The following TSGA10 variants were observed in gnomAD, a reference collection of about 807,000 sequenced individuals.
The protein encoded by TSGA10 is testis-specific gene 10 protein.
Under a neutral mutation model 96.6 loss-of-function variants are expected in TSGA10, and 43 were observed. That is an observed-to-expected ratio of 0.44 (90% confidence interval 0.35 to 0.57). The LOEUF (loss-of-function observed/expected upper bound fraction) is 0.57. TSGA10 is among the 20% of genes least tolerant of loss of function. The probability of loss-of-function intolerance (pLI) is 0.01; values close to 1 mark genes in which losing one functional copy is unlikely to be tolerated. For synonymous variants in TSGA10, 229 were observed against 269.9 expected (o/e 0.85, Z 1.48); for missense variants, 703 against 834.4 (o/e 0.84, Z 1.94).
chr2:99,148,440 A>G (rs150380440), intron 1 of TSGA10: 1 of 152,334 alleles, frequency 6.6e-6, no homozygotes, highest in African/African-American at 2.4e-5. Context: ...AGCCAAATAT[A>G]TACTATTTAC....
At chr2:99,102,122 T>C in intron 10 of TSGA10, 7 of 1,450,208 alleles carry the variant, frequency 4.8e-6, no homozygotes, top group Admixed American at 1.7e-5. Context: ...AAGAGTTAGA[T>C]AGGGGTTACA....
chr2:99,033,585 G>A (rs926137690), intron 17 of TSGA10, among the ~76,000 whole-genome samples: 1 of 152,206 alleles, frequency 6.6e-6, no homozygotes, highest in East Asian at 1.9e-4. Context: ...CTAAACTGCT[G>A]TAATCCCAGC....
At chr2:99,144,950 T>C (rs1402018894) in intron 1 of TSGA10, among the ~76,000 whole-genome samples, 1 of 151,864 alleles carries the variant, frequency 6.6e-6, no homozygotes, top group Non-Finnish European at 1.5e-5. Flanking sequence ...GCTAGTAGAG[T>C]TGTTTGCTAC....
intron 1 of TSGA10, among the ~76,000 whole-genome samples, chr2:99,135,883 C>T (rs1460723756): frequency 1.3e-5 from 2 of 152,030 alleles, no homozygotes; most frequent in African/African-American, 2.4e-5. Context: ...GTGGCAGGCA[C>T]CTATAATCCC....
intron 1 of TSGA10, among the ~76,000 whole-genome samples, chr2:99,131,880 T>G (rs1339006928): frequency 6.6e-6 from 1 of 152,196 alleles, no homozygotes. Context: ...GAGATAATCA[T>G]GTGGTTTTTG....
At chr2:99,008,662 T>C (rs1354610734) in intron 20 of TSGA10, among the ~76,000 whole-genome samples, 2 of 152,170 alleles carry the variant, frequency 1.3e-5, no homozygotes, top group African/African-American at 4.8e-5. Context: ...GACCCAGCAA[T>C]CCCACTTCTA....
chr2:99,052,668 G>A (rs897519468), intron 16 of TSGA10, among the ~76,000 whole-genome samples: 3 of 151,790 alleles, frequency 2.0e-5, no homozygotes, highest in Non-Finnish European at 2.9e-5. Flanking sequence ...AACCCAGGAG[G>A]CGGAGCTTGC....
At chr2:99,024,200 C>A (rs1181911677) in intron 17 of TSGA10, among the ~76,000 whole-genome samples, 1 of 152,034 alleles carries the variant, frequency 6.6e-6, no homozygotes, top group Non-Finnish European at 1.5e-5. Flanking sequence ...AGCGATTCTC[C>A]TGCCTCGGCC....
In TSGA10 at chr2:99,017,573, G is replaced by A. The variant is rs539959199; in HGVS notation, c.2072+627C>T. Among the ~76,000 whole-genome samples the A allele has an allele frequency of 7.4e-4, 113 of 151,952 alleles. 1 individual carries two copies. Among genetic ancestry groups the A allele is most frequent in the African/African-American group, 2.5e-3 (102 of 41,448 alleles). On this transcript the variant is annotated intron_variant, in intron 20 of 20. Transcript: ENST00000393483. Reference sequence around the variant, plus strand: ...GAGGTCAGGAGATCGAGACCATCCCGGCTAAAACGGTGAAACCCCGTCTCT... The same window carrying A: ...GAGGTCAGGAGATCGAGACCATCCCAGCTAAAACGGTGAAACCCCGTCTCT...
intron 7 of TSGA10, among the ~76,000 whole-genome samples, chr2:99,108,318 AAAG>A (rs1295855756): frequency 2.0e-5 from 3 of 152,116 alleles, no homozygotes; most frequent in Non-Finnish European, 2.9e-5. Context: ...GATACTTTTA[AAAG>A]AAGTTATATG....
At chr2:99,008,169 C>G (rs897531402) in intron 20 of TSGA10, among the ~76,000 whole-genome samples, 1 of 151,918 alleles carries the variant, frequency 6.6e-6, no homozygotes, top group African/African-American at 2.4e-5. Context: ...GAATAGAAAT[C>G]CAGATGCATT....
intron 17 of TSGA10, among the ~76,000 whole-genome samples, chr2:99,030,568 T>C (rs1010922568): frequency 6.6e-6 from 1 of 150,894 alleles, no homozygotes; most frequent in Non-Finnish European, 1.5e-5. Flanking sequence ...AAAGAATTAC[T>C]TGAGCCCAGG....
At chr2:99,015,544 T>C (rs2079436248) in intron 20 of TSGA10, among the ~76,000 whole-genome samples, 1 of 152,170 alleles carries the variant, frequency 6.6e-6, no homozygotes, top group Non-Finnish European at 1.5e-5. Context: ...GCCAACATTA[T>C]ACTGAATGGG....
chr2:99,043,834 T>C (rs1195564509), intron 16 of TSGA10, among the ~76,000 whole-genome samples: 1 of 152,142 alleles, frequency 6.6e-6, no homozygotes, highest in Non-Finnish European at 1.5e-5. Flanking sequence ...GGAAAATCTC[T>C]ACAGAAATGC....
At chr2:99,114,575 C>T (rs1207069556) in intron 4 of TSGA10, among the ~76,000 whole-genome samples, 2 of 152,168 alleles carry the variant, frequency 1.3e-5, no homozygotes, top group African/African-American at 2.4e-5. Flanking sequence ...ATACACCCAA[C>T]ATTCCACATT....
intron 1 of TSGA10, among the ~76,000 whole-genome samples, chr2:99,138,623 A>C (rs1425093224): frequency 6.6e-6 from 1 of 152,230 alleles, no homozygotes. Flanking sequence ...TGATTGTGAG[A>C]GGAAGAGAGG....
intron 1 of TSGA10, among the ~76,000 whole-genome samples, chr2:99,137,205 C>G (rs1247200634): frequency 6.6e-6 from 1 of 152,090 alleles, no homozygotes; most frequent in Non-Finnish European, 1.5e-5. Flanking sequence ...CCATCTTGGC[C>G]AGGCTGGTGT....
chr2:99,125,270 T>C (rs981827890), intron 2 of TSGA10: 5 of 152,246 alleles, frequency 3.3e-5, no homozygotes, highest in African/African-American at 1.2e-4. Flanking sequence ...TATCCATTCA[T>C]CTATTGAAAG....
At chr2:99,065,397 A>G (rs1473228092) in intron 15 of TSGA10, among the ~76,000 whole-genome samples, 3 of 152,098 alleles carry the variant, frequency 2.0e-5, no homozygotes, top group Admixed American at 1.3e-4. Context: ...GACCTGAATG[A>G]ATTTGTTCTT....
Sources: allele counts gnomAD v4.1 joint callset (sites outside exome capture counted in the v4.1 genomes callset), GRCh38; gene constraint gnomAD v4.1.1; transcripts MANE v1.5; gene names NCBI Gene and HGNC (gene_info 2026-07-23, HGNC 2026-07-21).